SLC44A4: variants seen among roughly 807,000 people sequenced by gnomAD.
The protein encoded by SLC44A4 is choline transporter-like protein 4.
In SLC44A4, 74 loss-of-function variants were observed where a neutral mutation model predicts 97.0. That is an observed-to-expected ratio of 0.76 (90% CI 0.63 to 0.93). The LOEUF is 0.93. Among genes scored for constraint, SLC44A4 ranks in the 40% least tolerant of loss-of-function variants. SLC44A4 has a pLI of 0.00. For missense variants in SLC44A4, 799 were observed against 902.9 expected, an observed-to-expected ratio of 0.88 and a Z score of 1.48; for synonymous variants, 325 against 363.8, an observed-to-expected ratio of 0.89 and a Z score of 1.21.
chr6:31,869,451 A>T, intron 12 of SLC44A4, 94 bp downstream of exon 12: 1 of 1,138,160 alleles, frequency 8.8e-7, no homozygotes, highest in Non-Finnish European at 1.3e-6. Context: ...CACCTCTTCC[A>T]GTGACACCAA....
chr6:31,876,203 A>G lies in SLC44A4; in HGVS notation c.90-74T>C. The G allele has an allele frequency of 8.4e-7, 1 of 1,186,058 alleles. No individual in the cohort carries two copies. The highest frequency in any genetic ancestry group is 1.2e-6 in the Non-Finnish European group (1 of 832,752). 73.5% of individuals were successfully genotyped at this position (1,186,058 alleles called of 1,614,324 possible). A position where few individuals can be genotyped will look rare whatever the true frequency, so the allele number is the denominator to read the frequency against. ...TAGGGCTTATGGTCTGGAGGGGTTA[A>G]GGGTTAGAGAGTTGGGTGATGCTGC... On this transcript the variant is annotated intron_variant, in intron 2 of 20. Transcript: ENST00000229729. This position sits in a 1 kb window ranked among gnomAD's most constrained non-coding sequence, Gnocchi z 4.8.
Position 31,874,948 on chromosome 6 carries a change from A to G in SLC44A4, c.323T>C (p.Leu108Pro). 6.2e-7 allele frequency: 1 copy of G among 1,613,790 alleles called. No individual in the cohort carries two copies. The highest frequency in any genetic ancestry group is 8.5e-7 in the Non-Finnish European group (1 of 1,179,994). Residue 108 changes from leucine (L) to proline (P), a missense_variant, in exon 5 of 21, where the codon CTA (leucine) becomes CCA (proline). Physicochemically the swap from Leu to Pro is moderately conservative, Grantham distance 98. Coordinates refer to ENST00000229729, the MANE Select transcript of SLC44A4 (RefSeq NM_025257.3). The surrounding 1 kb of genome is among the most constrained non-coding windows in gnomAD (Gnocchi z 4.8). The stretch of plus-strand genomic sequence containing the variant: ...TCTGACCTGGGGTGTGGGGCACTGT[A>G]GGCCGTTCTCAGCAACTGAGATGAT... Reference protein sequence around the residue: ...SNIISVAENGLQCPTPQVCVS... With the variant: ...SNIISVAENGPQCPTPQVCVS...
chr6:31,866,276 G>T, intron 13 of SLC44A4, 150 bp from the exon 14 acceptor site: 1 of 1,037,072 alleles, frequency 9.6e-7, no homozygotes, highest in Non-Finnish European at 1.4e-6. Context: ...TTCTGTCGGA[G>T]AGTTCCATCT....
rs1275759048 is a variant in SLC44A4 at position 31,876,819 on chromosome 6, A to G, written c.89+215T>C. ...GAGTTCTCTCGCTTGTGAAGCCGGC[A>G]CTTAAGTCAAGAAACAGAACATCCC... On this transcript the variant is annotated intron_variant, in intron 2 of 20. Transcript: ENST00000229729. This position sits in a 1 kb window ranked among gnomAD's most constrained non-coding sequence, Gnocchi z 4.8. Among the ~76,000 whole-genome samples, 1 of 151,836 alleles carries G rather than the reference A, an allele frequency of 6.6e-6. No homozygotes were observed. Among genetic ancestry groups the G allele is most frequent in the East Asian group, 1.9e-4 (1 of 5,204 alleles).
chr6:31,874,827 G>A lies in SLC44A4; in HGVS notation c.362C>T (p.Pro121Leu), dbSNP rs756068463. 4.3e-6 allele frequency: 7 copies of A among 1,612,878 alleles called. No homozygotes were observed. In the East Asian group the frequency reaches 6.7e-5, roughly 15 times the overall value. The change falls in exon 6 of 21, where the codon CCG becomes CTG. Residue 121 changes from proline (P) to leucine (L), a missense_variant. Coordinates refer to ENST00000229729, the MANE Select transcript of SLC44A4 (RefSeq NM_025257.3). The surrounding 1 kb of genome is among the most constrained non-coding windows in gnomAD (Gnocchi z 4.8). ...TTTTCCCACAGTCCATGGGTCCTCC[G>A]GGCAGGAGGACACACACACCTGGGT... ...PTPQVCVSSC[P>L]EDPWTVGKNE...
chr6:31,874,109 C>G lies in SLC44A4; in HGVS notation c.529+351G>C, dbSNP rs534791653. Among the ~76,000 whole-genome samples the G allele has an allele frequency of 6.6e-6, 1 of 150,896 alleles. No homozygotes were observed. The highest frequency in any genetic ancestry group is 1.5e-5 in the Non-Finnish European group (1 of 67,724). On this transcript the variant is annotated intron_variant, in intron 7 of 20. Transcript: ENST00000229729. This position sits in a 1 kb window ranked among gnomAD's most constrained non-coding sequence, Gnocchi z 4.8. ...CAGCCTGGGCAACAGAGGAAGACTC[C>G]GTCAAAAAAAAAAAAATGTGTGTGT...
At chr6:31,867,856 C>G (rs1216279308) in intron 13 of SLC44A4, among the ~76,000 whole-genome samples, 1 of 150,026 alleles carries the variant, frequency 6.7e-6, no homozygotes, top group African/African-American at 2.5e-5. Context: ...GGAGTCTCGC[C>G]GCCCAGGCTG....
chr6:31,871,427 G>A (rs758815873), intron 8 of SLC44A4, 30 bp from the exon 9 acceptor site: 2 of 1,613,376 alleles, frequency 1.2e-6, no homozygotes, highest in Non-Finnish European at 1.7e-6. Context: ...AGATGGGGCT[G>A]TGGGTGGAAG....
Position 31,878,816 on chromosome 6 carries a change from G to A in SLC44A4, c.40+125C>T, listed in dbSNP as rs1763605547. The A allele has an allele frequency of 1.7e-6, 2 of 1,189,272 alleles. No homozygotes were observed. The highest frequency in any genetic ancestry group is 1.8e-5 in the Admixed American group (1 of 57,000). 73.7% of individuals were successfully genotyped at this position (1,189,272 alleles called of 1,614,324 possible). A position where few individuals can be genotyped will look rare whatever the true frequency, so the allele number is the denominator to read the frequency against. The stretch of plus-strand genomic sequence containing the variant: ...CTCCCTCCATGGCTCCCGGTTCCCG[G>A]GCCCTCCCCTCAGGGACACAGTACT... On this transcript the variant is annotated intron_variant, in intron 1 of 20. Transcript: ENST00000229729. This position sits in a 1 kb window ranked among gnomAD's most constrained non-coding sequence, Gnocchi z 4.0.
chr6:31,869,353 C>T, intron 12 of SLC44A4, 96 bp from the exon 13 acceptor site: 1 of 1,066,832 alleles, frequency 9.4e-7, no homozygotes, highest in Non-Finnish European at 1.4e-6. Flanking sequence ...AGATCGTTTG[C>T]TGCACAGAGA....
In SLC44A4 at chr6:31,863,455, G is replaced by T; in HGVS notation, c.*172C>A. The stretch of plus-strand genomic sequence containing the variant: ...TTGGCCAGGCTGGTCTCGAACTCCT[G>T]ACTCAGGTGATCCGCCCGCCTCAGC... On this transcript the variant is annotated 3_prime_UTR_variant, in exon 21 of 21. Transcript: ENST00000229729. 1.1e-6 allele frequency: 1 copy of T among 902,704 alleles called. No homozygotes were observed. Among genetic ancestry groups the T allele is most frequent in the South Asian group, 2.1e-5 (1 of 46,674 alleles). The allele number at this position is 902,704 out of a possible 1,614,324, so 55.9% of individuals were successfully genotyped here. A position where few individuals can be genotyped will look rare whatever the true frequency, so the allele number is the denominator to read the frequency against.
chr6:31,867,699 C>T (rs1762936892), intron 13 of SLC44A4, among the ~76,000 whole-genome samples: 1 of 150,990 alleles, frequency 6.6e-6, no homozygotes, highest in African/African-American at 2.4e-5. Context: ...GCACTCCAGC[C>T]TGTGTAACAG....
At chr6:31,871,095 C>T (rs188169885) in intron 9 of SLC44A4, 48 bp from the exon 10 acceptor site, 34 of 1,534,822 alleles carry the variant, frequency 2.2e-5, no homozygotes, top group Non-Finnish European at 2.9e-5. Flanking sequence ...CCCCTCAAAT[C>T]TTTCCCCTTA....
chr6:31,870,682 C>T lies in SLC44A4; in HGVS notation c.958G>A (p.Glu320Lys). 1.9e-6 allele frequency: 3 copies of T among 1,611,204 alleles called. No individual in the cohort carries two copies. Among genetic ancestry groups the T allele is most frequent in the East Asian group, 2.2e-5 (1 of 44,732 alleles). Residue 320 changes from glutamate (E) to lysine (K), a missense_variant, in exon 11 of 21, where the codon GAA (glutamate) becomes AAA (lysine). Physicochemically the swap from Glu to Lys is moderately conservative, Grantham distance 56. This residue lies in a region of SLC44A4 where 409 missense variants were observed against 434.1 expected (regional missense o/e 0.94). Transcript: ENST00000229729. ...LAALIVLAVL[E>K]AILLLMLIFL... The stretch of plus-strand genomic sequence containing the variant: ...ATGAGCATCAGCAGCAGGATGGCTT[C>T]AAGCACCGCCAACACGATCACTGCA...
rs1763122739 is a variant in SLC44A4, at chr6:31,870,825, G to C, written c.924C>G (p.Thr308=). Residue 308 remains threonine (T), a synonymous_variant, in exon 10 of 21, where the codon ACC becomes ACG. Transcript: ENST00000229729. ...NLSAYQSVQE[T]WLAALIVLAV... ...CAGGACACTCACGGGCGGCCAGCCA[G>C]GTCTCCTGCACGCTCTGGTAGGCAC... The C allele has an allele frequency of 6.2e-7, 1 of 1,612,970 alleles. No homozygotes were observed. The highest frequency in any genetic ancestry group is 1.3e-5 in the African/African-American group (1 of 74,926).
Position 31,866,129 on chromosome 6 carries a change from G to A in SLC44A4, c.1234-3C>T. ...CACGAGGAGTTCACAAGGTGGGCCT[G>A]GGAGGGTAGACGGGGATAGAGTAGG... is the stretch of plus-strand genomic sequence containing the variant. On this transcript the variant is annotated splice_polypyrimidine_tract_variant and splice_region_variant and intron_variant, in intron 13 of 20. Coordinates refer to ENST00000229729, the MANE Select transcript of SLC44A4 (RefSeq NM_025257.3). The A allele has an allele frequency of 6.2e-7, 1 of 1,613,700 alleles. No homozygotes were observed. The highest frequency in any genetic ancestry group is 8.5e-7 in the Non-Finnish European group (1 of 1,179,854).
chr6:31,866,397 G>A (rs1195327660), intron 13 of SLC44A4, among the ~76,000 whole-genome samples: 2 of 152,218 alleles, frequency 1.3e-5, no homozygotes, highest in Admixed American at 1.3e-4. Flanking sequence ...AGCAGCCTCT[G>A]CAACGTCTAC....
intron 13 of SLC44A4, among the ~76,000 whole-genome samples, chr6:31,867,895 G>T (rs2151558054): frequency 6.8e-6 from 1 of 147,426 alleles, no homozygotes; most frequent in Admixed American, 6.9e-5. Context: ...TCAGCTCACT[G>T]CAACCTCCGC....
At chr6:31,875,980 G>T in intron 3 of SLC44A4, 50 bp from the exon 4 acceptor site, 1 of 1,612,280 alleles carries the variant, frequency 6.2e-7, no homozygotes, top group Non-Finnish European at 8.5e-7. Context: ...ACTTAGTGGG[G>T]CAGTTATGGG....
Sources: gnomAD v4.1 joint callset for allele counts (sites outside exome capture counted in the v4.1 genomes callset) on GRCh38, gnomAD v4.1.1 for gene constraint, gnomAD v4.1.1 regional missense constraint, Gnocchi (gnomAD v3.1) non-coding constraint, MANE v1.5 for transcripts, NCBI Gene and HGNC (gene_info 2026-07-23, HGNC 2026-07-21) for gene names.